Variants in YIPF4 observed in about 807,000 individuals in gnomAD.
The protein encoded by YIPF4 is Yip1 domain family member 4.
YIPF4 carries 18 observed loss-of-function variants against 29.4 expected under a neutral mutation model. The ratio of observed to expected loss-of-function variants is 0.61; its 90% CI spans 0.42 to 0.91. The LOEUF (loss-of-function observed/expected upper bound fraction) is 0.91, where lower values mean the gene tolerates loss of function less well. Among genes scored for constraint, YIPF4 ranks in the 40% least tolerant of loss-of-function variants. The pLI is 0.00. For missense variants in YIPF4, 279 were observed against 282.7 expected, an observed-to-expected ratio of 0.99 and a Z score of 0.09; for synonymous variants, 115 against 104.7, an observed-to-expected ratio of 1.10 and a Z score of -0.60.
In YIPF4 at chr2:32,311,595, A is replaced by G. The variant is rs942792723; in HGVS notation, c.*5969A>G. 5.3e-5 allele frequency: 8 copies of G among 152,238 alleles called. No homozygotes were observed. In the East Asian group the frequency reaches 1.3e-3, roughly 26 times the overall value. The allele number at this position is 152,238 out of a possible 1,614,324, so 9.4% of individuals were successfully genotyped here. A position where few individuals can be genotyped will look rare whatever the true frequency, so the allele number is the denominator to read the frequency against. On this transcript the variant is annotated 3_prime_UTR_variant, in exon 6 of 6. Coordinates refer to ENST00000238831, the MANE Select transcript of YIPF4 (RefSeq NM_032312.4). ...AAGTTAGATACTAATATGAAAAAGA[A>G]TATTTGTGTAAAATATTTTGAAGTT...
chr2:32,280,319 A>G (rs2148956438), intron 1 of YIPF4, among the ~76,000 whole-genome samples: 1 of 148,478 alleles, frequency 6.7e-6, no homozygotes, highest in South Asian at 2.1e-4. Context: ...TTTAGTAGAG[A>G]CGGGGTTTCA....
chr2:32,281,486 C>T (rs1028200922), intron 1 of YIPF4, among the ~76,000 whole-genome samples: 2 of 152,140 alleles, frequency 1.3e-5, no homozygotes, highest in African/African-American at 4.8e-5. Flanking sequence ...AAGTGATCCA[C>T]CCACCTTGGC....
At chr2:32,280,394 T>G (rs1032813561) in intron 1 of YIPF4, among the ~76,000 whole-genome samples, 1 of 150,316 alleles carries the variant, frequency 6.7e-6, no homozygotes. Context: ...TTTTTTTTTT[T>G]TTTGAGACAG....
At chr2:32,295,347 T>TA (rs1243293155) in intron 3 of YIPF4, among the ~76,000 whole-genome samples, 1 of 152,210 alleles carries the variant, frequency 6.6e-6, no homozygotes, top group Non-Finnish European at 1.5e-5. Context: ...AATAAACTGC[T>TA]ACAAGCTTAG....
At position 32,283,018 on chromosome 2, in the gene YIPF4, A is replaced by G. The variant is rs2030500503; in HGVS notation, c.79+4784A>G. On this transcript the variant is annotated intron_variant, in intron 1 of 5. Transcript: ENST00000238831. Reference sequence around the variant, plus strand: ...CGTGAACCTGGGAGGTGGGGCTTGCAGTGAGCCAAGATCGCGCCACTGCAC... The same window carrying G: ...CGTGAACCTGGGAGGTGGGGCTTGCGGTGAGCCAAGATCGCGCCACTGCAC... Among the ~76,000 whole-genome samples the G allele has an allele frequency of 2.0e-5, 3 of 150,548 alleles. No homozygotes were observed. The South Asian group carries it at 6.3e-4, about 32-fold the overall frequency.
At chr2:32,300,290 C>T (rs1282694143) in intron 4 of YIPF4, among the ~76,000 whole-genome samples, 1 of 146,580 alleles carries the variant, frequency 6.8e-6, no homozygotes. Flanking sequence ...AAAAATTAGC[C>T]GGGCATGGAG....
chr2:32,301,180 A>G (rs1202297438), intron 4 of YIPF4, among the ~76,000 whole-genome samples: 1 of 152,240 alleles, frequency 6.6e-6, no homozygotes, highest in Non-Finnish European at 1.5e-5. Context: ...ATTTATTTTA[A>G]TTGAAACCAT....
Position 32,316,245 on chromosome 2 carries a change from G to C in YIPF4, c.*10619G>C, listed in dbSNP as rs936942240. 1 of 151,898 alleles carries C rather than the reference G, an allele frequency of 6.6e-6. No individual in the cohort carries two copies. The allele number at this position is 151,898 out of a possible 1,614,324, so 9.4% of individuals were successfully genotyped here. On this transcript the variant is annotated 3_prime_UTR_variant, in exon 6 of 6. Transcript: ENST00000238831. ...ATTTAAATGGGCAAAGGAAATACTT[G>C]GACAATCATATCATGTATGTAATAT...
chr2:32,300,512 T>C (rs1318159113), intron 4 of YIPF4, among the ~76,000 whole-genome samples: 1 of 151,986 alleles, frequency 6.6e-6, no homozygotes, highest in Non-Finnish European at 1.5e-5. Flanking sequence ...TTAGAATATA[T>C]GTTCAATCGA....
intron 1 of YIPF4, among the ~76,000 whole-genome samples, chr2:32,286,179 C>T (rs944611746): frequency 3.3e-5 from 5 of 152,168 alleles, no homozygotes; most frequent in African/African-American, 1.2e-4. Context: ...CATATACACA[C>T]ACACAAATGA....
intron 1 of YIPF4, among the ~76,000 whole-genome samples, chr2:32,278,764 T>G (rs2030235227): frequency 6.6e-6 from 1 of 152,176 alleles, no homozygotes; most frequent in Non-Finnish European, 1.5e-5. Context: ...TTTTGTAATG[T>G]TTCACCTCAG....
rs2031687650 is a variant in YIPF4 at position 32,310,118 on chromosome 2, A to G, written c.*4492A>G. ...TTCTCTGCACTGACATATGTACACAAAGTAATATTTTATTATTCTCCTTCA... is the reference window on the plus strand; with the variant it reads ...TTCTCTGCACTGACATATGTACACAGAGTAATATTTTATTATTCTCCTTCA... On this transcript the variant is annotated 3_prime_UTR_variant, in exon 6 of 6. Coordinates refer to ENST00000238831, the MANE Select transcript of YIPF4 (RefSeq NM_032312.4). 1 of 152,188 alleles carries G rather than the reference A, an allele frequency of 6.6e-6. No individual in the cohort carries two copies. Among genetic ancestry groups the G allele is most frequent in the Non-Finnish European group, 1.5e-5 (1 of 68,020 alleles). The allele number at this position is 152,188 out of a possible 1,614,324, so 9.4% of individuals were successfully genotyped here. A position where few individuals can be genotyped will look rare whatever the true frequency, so the allele number is the denominator to read the frequency against.
In YIPF4 at chr2:32,316,577, AAATT is replaced by A. The variant is rs2148971974; in HGVS notation, c.*10952_*10955del. The A allele has an allele frequency of 6.6e-6, 1 of 152,308 alleles. No homozygotes were observed. The highest frequency in any genetic ancestry group is 2.1e-4 in the South Asian group (1 of 4,830). The allele number at this position is 152,308 out of a possible 1,614,324, so 9.4% of individuals were successfully genotyped here. ...TTGTAAGTACAACACTAAAATTAAT[AAATT>A]GTGTAAATTCTAATATGGATTAATT... On this transcript the variant is annotated 3_prime_UTR_variant, in exon 6 of 6. Transcript: ENST00000238831.
Position 32,299,886 on chromosome 2 carries a change from G to A in YIPF4, c.484-1496G>A, listed in dbSNP as rs1441632490. 2.6e-5 allele frequency among the ~76,000 whole-genome samples: 4 copies of A among 152,226 alleles called. No individual in the cohort carries two copies. The South Asian group carries it at 8.3e-4, about 32-fold the overall frequency. ...TGTAGTCCCAGCTACTTGGGAGGCTGAGGCAGGAGGATCACTTGAGCCCAG... is the reference window on the plus strand; with the variant it reads ...TGTAGTCCCAGCTACTTGGGAGGCTAAGGCAGGAGGATCACTTGAGCCCAG... On this transcript the variant is annotated intron_variant, in intron 4 of 5. Transcript: ENST00000238831.
intron 3 of YIPF4, among the ~76,000 whole-genome samples, chr2:32,293,062 T>A (rs368646878): frequency 4.0e-4 from 56 of 139,304 alleles, no homozygotes; most frequent in East Asian, 1.9e-3. Context: ...ATTTTTATTT[T>A]TTTATTTTTA....
chr2:32,292,423 T>C, intron 3 of YIPF4, 75 bp downstream of exon 3: 1 of 1,087,824 alleles, frequency 9.2e-7, no homozygotes, highest in Admixed American at 3.2e-5. Context: ...AGATATTAAC[T>C]GTAATATACC....
chr2:32,293,474 T>A (rs1474654851), intron 3 of YIPF4, among the ~76,000 whole-genome samples: 2 of 152,138 alleles, frequency 1.3e-5, no homozygotes, highest in African/African-American at 4.8e-5. Flanking sequence ...AAATGAAGTG[T>A]CTCCCATGTC....
chr2:32,278,376 G>C lies in YIPF4; in HGVS notation c.79+142G>C, dbSNP rs913677461. On this transcript the variant is annotated intron_variant, in intron 1 of 5. Transcript: ENST00000238831. ...GTGACTGCAGCCCACCACGCCTGCC[G>C]GGCCTTCCGAGAGGCCCCGAAGGAC... 45 of 795,506 alleles carry C rather than the reference G, an allele frequency of 5.7e-5. No individual in the cohort carries two copies. In the African/African-American group the frequency reaches 5.9e-4, roughly 10 times the overall value. 49.3% of individuals were successfully genotyped at this position (795,506 alleles called of 1,614,324 possible).
At chr2:32,305,362 T>A in intron 5 of YIPF4, 127 bp from the exon 6 acceptor site, 4 of 1,108,672 alleles carry the variant, frequency 3.6e-6, no homozygotes, top group Non-Finnish European at 3.6e-6. Flanking sequence ...TAACAAGTTT[T>A]ACTATTTACC....
Sources: allele counts gnomAD v4.1 joint callset (sites outside exome capture counted in the v4.1 genomes callset), GRCh38; gene constraint gnomAD v4.1.1; transcripts MANE v1.5; gene names NCBI Gene and HGNC (gene_info 2026-07-23, HGNC 2026-07-21).